TMTC1: variants seen among roughly 807,000 people sequenced by gnomAD.
TMTC1 encodes transmembrane O-mannosyltransferase targeting cadherins 1.
Under a neutral mutation model 104.8 loss-of-function variants are expected in TMTC1, and 73 were observed. That is an observed-to-expected ratio of 0.70 (90% CI 0.58 to 0.85). TMTC1 has a LOEUF of 0.85. Ranked by LOEUF, TMTC1 falls within the 40% of genes least tolerant of loss-of-function variation. The pLI is 0.00. For missense variants in TMTC1, 1,035 were observed against 1,096.1 expected (o/e 0.94, Z 0.79); for synonymous variants, 434 against 428.7 (o/e 1.01, Z -0.15).
At chr12:29,589,230 C>T (rs1211262895) in intron 7 of TMTC1, among the ~76,000 whole-genome samples, 2 of 152,174 alleles carry the variant, frequency 1.3e-5, no homozygotes, top group East Asian at 1.9e-4. Flanking sequence ...GCCTACTTTT[C>T]CCCTTTAAAT....
At chr12:29,608,706 A>T (rs965864017) in intron 6 of TMTC1, among the ~76,000 whole-genome samples, 18 of 152,132 alleles carry the variant, frequency 1.2e-4, no homozygotes, top group Non-Finnish European at 2.5e-4. Context: ...CTGAGCTGCA[A>T]AGAGGTGAAA....
intron 2 of TMTC1, among the ~76,000 whole-genome samples, chr12:29,762,331 T>C (rs1260035912): frequency 6.6e-6 from 1 of 152,198 alleles, no homozygotes; most frequent in African/African-American, 2.4e-5. Context: ...GATATATACA[T>C]AAAGGGCCTG....
chr12:29,593,489 T>C (rs1407398447), intron 7 of TMTC1, among the ~76,000 whole-genome samples: 1 of 152,236 alleles, frequency 6.6e-6, no homozygotes, highest in African/African-American at 2.4e-5. Context: ...AGAGCAAATT[T>C]CCTTGTGCGC....
intron 5 of TMTC1, among the ~76,000 whole-genome samples, chr12:29,739,765 G>A (rs139177403): frequency 2.0e-5 from 3 of 151,994 alleles, no homozygotes; most frequent in African/African-American, 7.2e-5. Context: ...CTGGAGTGCA[G>A]TGGCATGCTC....
intron 5 of TMTC1, among the ~76,000 whole-genome samples, chr12:29,689,269 T>A (rs1003387974): frequency 6.6e-6 from 1 of 152,126 alleles, no homozygotes; most frequent in South Asian, 2.1e-4. Context: ...GGTTTTTTTT[T>A]TTTTATTTTT....
chr12:29,708,539 T>C (rs12314231), intron 5 of TMTC1, among the ~76,000 whole-genome samples: 7,521 of 152,210 alleles, frequency 0.049, 267 homozygotes, highest in African/African-American at 0.098. Context: ...CTAAAGCCCA[T>C]TGACTCCCAG....
rs557160133 is a variant in TMTC1, at chr12:29,694,689, C to T, written c.938+56977G>A. Among the ~76,000 whole-genome samples, 3 of 152,218 alleles carry T rather than the reference C, an allele frequency of 2.0e-5. No homozygotes were observed. The East Asian group carries it at 5.8e-4, about 29-fold the overall frequency. The stretch of plus-strand genomic sequence containing the variant: ...GTGTGGTGGCTCACGCCTGTAATCC[C>T]AGTACTTTGGGAGGCTGAAGCAGGC... On this transcript the variant is annotated intron_variant, in intron 5 of 17. Transcript: ENST00000539277.
At chr12:29,751,954 C>A in intron 4 of TMTC1, 82 bp from the exon 5 acceptor site, 1 of 1,318,664 alleles carries the variant, frequency 7.6e-7, no homozygotes, top group East Asian at 2.5e-5. Flanking sequence ...AACTGCCCCA[C>A]CCACAAGTCT....
intron 11 of TMTC1, chr12:29,533,199 T>A (rs1944554078): frequency 6.6e-6 from 1 of 152,232 alleles, no homozygotes; most frequent in African/African-American, 2.4e-5. Flanking sequence ...TTCTACCATA[T>A]AATGTCTTTT....
At chr12:29,651,821 T>C in intron 5 of TMTC1, among the ~76,000 whole-genome samples, 1 of 151,740 alleles carries the variant, frequency 6.6e-6, no homozygotes. Flanking sequence ...ATTAGGAATT[T>C]GGACAAAGGA....
At chr12:29,587,628 T>C (rs1482817970) in intron 7 of TMTC1, among the ~76,000 whole-genome samples, 1 of 152,112 alleles carries the variant, frequency 6.6e-6, no homozygotes, top group Non-Finnish European at 1.5e-5. Context: ...CTTCCCAAAA[T>C]TGATAACTAC....
intron 17 of TMTC1, among the ~76,000 whole-genome samples, chr12:29,509,014 T>C (rs59426231): frequency 0.18 from 27,909 of 152,224 alleles, 2,690 homozygotes; most frequent in East Asian, 0.35. Flanking sequence ...AAGTGGCTTT[T>C]CCAATTTAAA....
chr12:29,607,588 G>A (rs1306740963), intron 6 of TMTC1, among the ~76,000 whole-genome samples: 1 of 152,310 alleles, frequency 6.6e-6, no homozygotes, highest in South Asian at 2.1e-4. Flanking sequence ...AGTGGATAAT[G>A]AGCGTTTTGC....
At chr12:29,688,212 T>G (rs73271783) in intron 5 of TMTC1, among the ~76,000 whole-genome samples, 1,721 of 152,298 alleles carry the variant, frequency 0.011, 40 homozygotes, top group African/African-American at 0.039. Context: ...GATGTAACCA[T>G]GCTTTTCCTA....
intron 2 of TMTC1, among the ~76,000 whole-genome samples, chr12:29,767,073 C>T (rs554399935): frequency 2.6e-5 from 4 of 152,048 alleles, no homozygotes; most frequent in African/African-American, 7.2e-5. Context: ...CCTCAGCCTC[C>T]CAAGTAGCTG....
intron 5 of TMTC1, among the ~76,000 whole-genome samples, chr12:29,664,008 A>C (rs188562486): frequency 2.0e-5 from 3 of 151,848 alleles, no homozygotes; most frequent in African/African-American, 7.2e-5. Context: ...TAAAACGGTG[A>C]AACCCCGTCT....
chr12:29,565,079 G>A (rs1945473545), intron 9 of TMTC1, among the ~76,000 whole-genome samples: 1 of 152,154 alleles, frequency 6.6e-6, no homozygotes, highest in Admixed American at 6.5e-5. Flanking sequence ...CTAAGGAACT[G>A]GCTCTCATGA....
At chr12:29,740,827 C>T (rs1008555105) in intron 5 of TMTC1, among the ~76,000 whole-genome samples, 3 of 152,012 alleles carry the variant, frequency 2.0e-5, no homozygotes, top group African/African-American at 7.2e-5. Flanking sequence ...TTTTTAAAAG[C>T]GACAGAGATA....
intron 2 of TMTC1, among the ~76,000 whole-genome samples, chr12:29,759,088 T>A (rs1355475321): frequency 6.6e-6 from 1 of 152,204 alleles, no homozygotes; most frequent in Non-Finnish European, 1.5e-5. Flanking sequence ...TTCAAAAAAA[T>A]TTTTGAGCAA....
Sources: allele counts gnomAD v4.1 joint callset (sites outside exome capture counted in the v4.1 genomes callset), GRCh38; gene constraint gnomAD v4.1.1; transcripts MANE v1.5; gene names NCBI Gene and HGNC (gene_info 2026-07-23, HGNC 2026-07-21).